ADAMTS3: variants seen among roughly 807,000 people sequenced by gnomAD.
ADAMTS3 encodes A disintegrin and metalloproteinase with thrombospondin motifs 3.
ADAMTS3 carries 73 observed loss-of-function variants against 129.0 expected under a neutral mutation model. That is an observed-to-expected ratio of 0.57 (90% CI 0.47 to 0.69). The LOEUF is 0.69. ADAMTS3 is among the 30% of genes least tolerant of loss of function. ADAMTS3 has a pLI of 0.00. For missense variants in ADAMTS3, 1,457 were observed against 1,514.5 expected, an observed-to-expected ratio of 0.96 and a Z score of 0.63; for synonymous variants, 477 against 510.8, an observed-to-expected ratio of 0.93 and a Z score of 0.89.
At chr4:72,343,402 T>C (rs1720190727) in intron 4 of ADAMTS3, among the ~76,000 whole-genome samples, 3 of 152,090 alleles carry the variant, frequency 2.0e-5, no homozygotes, top group Non-Finnish European at 2.9e-5. Flanking sequence ...GAAAAGAAAA[T>C]GATTTGGGGC....
At chr4:72,322,971 C>A (rs1383764952) in intron 6 of ADAMTS3, 43 bp downstream of exon 6, 3 of 1,468,326 alleles carry the variant, frequency 2.0e-6, no homozygotes, top group African/African-American at 1.4e-5. Context: ...TATTTGCTAA[C>A]CCAGTCCCTA....
chr4:72,357,572 T>C (rs1023638139), intron 4 of ADAMTS3, among the ~76,000 whole-genome samples: 1 of 151,878 alleles, frequency 6.6e-6, no homozygotes, highest in African/African-American at 2.4e-5. Context: ...CATATATGTG[T>C]GTGAATGTGT....
intron 3 of ADAMTS3, among the ~76,000 whole-genome samples, chr4:72,455,842 A>G (rs1211906202): frequency 8.9e-5 from 10 of 112,050 alleles, no homozygotes; most frequent in Non-Finnish European, 1.6e-4. Flanking sequence ...CAGTGTATAT[A>G]CTATATATTT....
chr4:72,421,667 G>T (rs545108697), intron 3 of ADAMTS3, among the ~76,000 whole-genome samples: 54 of 152,258 alleles, frequency 3.5e-4, no homozygotes, highest in African/African-American at 1.1e-3. Context: ...TTAGAGTAGT[G>T]GGGGCTGAAG....
intron 12 of ADAMTS3, 43 bp downstream of exon 12, chr4:72,313,634 C>T (rs1382443431): frequency 1.4e-5 from 22 of 1,597,032 alleles, no homozygotes; most frequent in Non-Finnish European, 1.8e-5. Context: ...GAAGTATTTT[C>T]TGGTCTCTCC....
chr4:72,451,147 T>C (rs1464271866), intron 3 of ADAMTS3, among the ~76,000 whole-genome samples: 1 of 151,350 alleles, frequency 6.6e-6, no homozygotes, highest in Non-Finnish European at 1.5e-5. Context: ...CCTTTGGGAA[T>C]GTCAAAGCCT....
Position 72,319,960 on chromosome 4 carries a change from T to C in ADAMTS3, c.1106A>G (p.Tyr369Cys). The C allele has an allele frequency of 6.2e-7, 1 of 1,609,302 alleles. No individual in the cohort carries two copies. The highest frequency in any genetic ancestry group is 8.5e-7 in the Non-Finnish European group (1 of 1,175,734). Reference protein sequence around the residue: ...QDFGPAGMQGYAPVTGMCHPV... With the variant: ...QDFGPAGMQGCAPVTGMCHPV... ...ATGACACATGCCGGTGACTGGAGCATATCCTGTAGAGAATAACAATTACTT... is the reference window on the plus strand; with the variant it reads ...ATGACACATGCCGGTGACTGGAGCACATCCTGTAGAGAATAACAATTACTT... Residue 369 changes from tyrosine (Y) to cysteine (C), a missense_variant, in exon 8 of 22, where the codon TAT (tyrosine) becomes TGT (cysteine). Coordinates refer to ENST00000286657, the MANE Select transcript of ADAMTS3 (RefSeq NM_014243.3).
At chr4:72,528,241 T>G (rs879223482) in intron 3 of ADAMTS3, among the ~76,000 whole-genome samples, 1 of 152,082 alleles carries the variant, frequency 6.6e-6, no homozygotes, top group Admixed American at 6.6e-5. Flanking sequence ...CATGCTAATT[T>G]GTATTGGTTT....
At chr4:72,519,682 G>T (rs1433861201) in intron 3 of ADAMTS3, among the ~76,000 whole-genome samples, 2 of 152,146 alleles carry the variant, frequency 1.3e-5, no homozygotes, top group Non-Finnish European at 2.9e-5. Context: ...TTGGCTTTCA[G>T]CTCCATCAGC....
At chr4:72,510,979 C>T (rs1454995511) in intron 3 of ADAMTS3, among the ~76,000 whole-genome samples, 3 of 151,894 alleles carry the variant, frequency 2.0e-5, no homozygotes, top group Non-Finnish European at 4.4e-5. Context: ...TCCATACACA[C>T]ACAGTGAACT....
At chr4:72,287,078 A>G (rs1367979338) in intron 21 of ADAMTS3, among the ~76,000 whole-genome samples, 2 of 152,050 alleles carry the variant, frequency 1.3e-5, no homozygotes, top group Admixed American at 6.6e-5. Context: ...TGACTAGGCC[A>G]TCAGGGTGGA....
In ADAMTS3 at chr4:72,339,542, G is replaced by A; in HGVS notation, c.813C>T (p.Phe271=). 6.2e-7 allele frequency: 1 copy of A among 1,613,924 alleles called. No individual in the cohort carries two copies. The highest frequency in any genetic ancestry group is 8.5e-7 in the Non-Finnish European group (1 of 1,179,878). The change falls in exon 5 of 22, where the codon TTC becomes TTT. Residue 271 remains phenylalanine, a synonymous_variant. Transcript: ENST00000286657. ...AGTTTTGGACGTGCTCTTTGCCATG[G>A]AAACGGACCACAGAGTCATCCACTC... ...LLGVDDSVVR[F]HGKEHVQNYL...
chr4:72,302,077 A>C (rs532627443), intron 17 of ADAMTS3, among the ~76,000 whole-genome samples: 41 of 152,250 alleles, frequency 2.7e-4, no homozygotes, highest in Non-Finnish European at 4.9e-4. Flanking sequence ...AAGGAAGAAT[A>C]AAACTAGGCC....
chr4:72,562,328 T>C (rs528024475), intron 2 of ADAMTS3, among the ~76,000 whole-genome samples: 1 of 152,320 alleles, frequency 6.6e-6, no homozygotes, highest in Non-Finnish European at 1.5e-5. Flanking sequence ...TCAAAATGTA[T>C]CATGTGAATT....
rs777713942 is a variant in ADAMTS3, at chr4:72,288,891, T to A, written c.2932-23A>T. ...ACACTGCAGAGACAAAGGCTGTGGTTACAGACATTTATTGCACCAAGACCA... is the reference window on the plus strand; with the variant it reads ...ACACTGCAGAGACAAAGGCTGTGGTAACAGACATTTATTGCACCAAGACCA... On this transcript the variant is annotated intron_variant, in intron 20 of 21. Coordinates refer to ENST00000286657, the MANE Select transcript of ADAMTS3 (RefSeq NM_014243.3). 7 of 1,463,152 alleles carry A rather than the reference T, an allele frequency of 4.8e-6. No homozygotes were observed. In the South Asian group the frequency reaches 5.7e-5, roughly 12 times the overall value. 90.6% of individuals were successfully genotyped at this position (1,463,152 alleles called of 1,614,324 possible). A position where few individuals can be genotyped will look rare whatever the true frequency, so the allele number is the denominator to read the frequency against.
At chr4:72,295,840 T>C in intron 18 of ADAMTS3, 54 bp from the exon 19 acceptor site, 1 of 1,576,108 alleles carries the variant, frequency 6.3e-7, no homozygotes, top group Non-Finnish European at 8.6e-7. Context: ...TGCTGATAGT[T>C]ACTTGATTAT....
At chr4:72,363,512 T>G (rs1473732145) in intron 4 of ADAMTS3, among the ~76,000 whole-genome samples, 1 of 152,172 alleles carries the variant, frequency 6.6e-6, no homozygotes, top group East Asian at 1.9e-4. Context: ...CAGTGAAATT[T>G]TTTTGCAATT....
chr4:72,301,527 G>A (rs1441731308), intron 17 of ADAMTS3, among the ~76,000 whole-genome samples: 1 of 151,880 alleles, frequency 6.6e-6, no homozygotes, highest in East Asian at 1.9e-4. Flanking sequence ...AAAATTGAGT[G>A]GAGCAATTTG....
chr4:72,332,856 C>A (rs976155682), intron 5 of ADAMTS3, among the ~76,000 whole-genome samples: 2 of 152,104 alleles, frequency 1.3e-5, no homozygotes, highest in African/African-American at 4.8e-5. Context: ...TGACTTGAAT[C>A]GTACAAACAA....
Sources: gnomAD v4.1 joint callset for allele counts (sites outside exome capture counted in the v4.1 genomes callset) on GRCh38, gnomAD v4.1.1 for gene constraint, MANE v1.5 for transcripts, NCBI Gene and HGNC (gene_info 2026-07-23, HGNC 2026-07-21) for gene names.